Variants in RFX7 observed in about 807,000 individuals in gnomAD.
The protein encoded by RFX7 is regulatory factor X7, also known as DNA-binding protein RFX7.
Under a neutral mutation model 111.8 loss-of-function variants are expected in RFX7, and 26 were observed. That is an observed-to-expected ratio of 0.23 (90% CI 0.17 to 0.32). The LOEUF (loss-of-function observed/expected upper bound fraction) is 0.32, where lower values mean the gene tolerates loss of function less well. Among genes scored for constraint, RFX7 ranks in the 10% least tolerant of loss-of-function variants. RFX7 has a pLI of 1.00. For synonymous variants in RFX7, 624 were observed against 624.4 expected, an observed-to-expected ratio of 1.00 and a Z score of 0.01; for missense variants, 1,573 against 1,772.9, an observed-to-expected ratio of 0.89 and a Z score of 2.02.
intron 2 of RFX7, among the ~76,000 whole-genome samples, chr15:56,183,886 A>G (rs2043004147): frequency 6.6e-6 from 1 of 152,184 alleles, no homozygotes; most frequent in Non-Finnish European, 1.5e-5. Context: ...TTTTGTTAGA[A>G]AGAGTACAAG....
At chr15:56,158,543 G>C (rs58074377) in intron 3 of RFX7, among the ~76,000 whole-genome samples, 1 of 152,012 alleles carries the variant, frequency 6.6e-6, no homozygotes, top group Admixed American at 6.6e-5. Flanking sequence ...TGTCACCCAG[G>C]CTGGAGGGCA....
intron 5 of RFX7, among the ~76,000 whole-genome samples, chr15:56,128,429 T>C (rs2042172452): frequency 6.6e-6 from 1 of 152,176 alleles, no homozygotes; most frequent in African/African-American, 2.4e-5. Flanking sequence ...AGGTACAACA[T>C]ATAAAAATAA....
In RFX7 at chr15:56,096,058, T is replaced by A; in HGVS notation, c.1670A>T (p.Asp557Val). ...EHPVQCQENS[D>V]EAKAPQTPSA... Reference sequence around the variant, plus strand: ...AGGTGTCTGGGGAGCTTTAGCCTCATCAGAGTTCTCTTGGCACTGTACAGG... The same window carrying A: ...AGGTGTCTGGGGAGCTTTAGCCTCAACAGAGTTCTCTTGGCACTGTACAGG... The change falls in exon 10 of 10, where the codon GAT (aspartate) becomes GTT (valine). Residue 557 changes from aspartate (D) to valine (V), a missense_variant. By Grantham distance (152) the Asp-to-Val change is radical. Transcript: ENST00000559447. 1 of 1,613,520 alleles carries A rather than the reference T, an allele frequency of 6.2e-7. No homozygotes were observed. Among genetic ancestry groups the A allele is most frequent in the Non-Finnish European group, 8.5e-7 (1 of 1,179,700 alleles).
At chr15:56,153,495 A>C (rs1240201233) in intron 3 of RFX7, among the ~76,000 whole-genome samples, 1 of 152,156 alleles carries the variant, frequency 6.6e-6, no homozygotes, top group Non-Finnish European at 1.5e-5. Flanking sequence ...AATAAACATA[A>C]TCCCATCCAC....
In RFX7 at chr15:56,087,583, A is replaced by T. The variant is rs1595913865; in HGVS notation, c.*5762T>A. ...TTGGTAAGTGTCTCCACTTAACTGC[A>T]AGGGAAGTTGGCAGATGCAGCCTTT... On this transcript the variant is annotated 3_prime_UTR_variant, in exon 10 of 10. Coordinates refer to ENST00000559447, the MANE Select transcript of RFX7 (RefSeq NM_022841.7). 2.2e-6 allele frequency: 1 copy of T among 456,406 alleles called. No individual in the cohort carries two copies. The highest frequency in any genetic ancestry group is 6.9e-5 in the East Asian group (1 of 14,390). 28.3% of individuals were successfully genotyped at this position (456,406 alleles called of 1,614,324 possible).
chr15:56,124,283 A>C (rs1284444494), intron 5 of RFX7, among the ~76,000 whole-genome samples: 1 of 152,122 alleles, frequency 6.6e-6, no homozygotes, highest in Non-Finnish European at 1.5e-5. Flanking sequence ...TTAGCCAGGC[A>C]TGGTGACGGG....
At chr15:56,147,957 T>C (rs1001562158) in intron 3 of RFX7, among the ~76,000 whole-genome samples, 3 of 152,186 alleles carry the variant, frequency 2.0e-5, no homozygotes, top group Admixed American at 1.3e-4. Context: ...ACAAACAACA[T>C]TTGTAGACTT....
intron 2 of RFX7, among the ~76,000 whole-genome samples, chr15:56,229,590 C>A (rs1366818345): frequency 1.3e-5 from 2 of 152,128 alleles, no homozygotes; most frequent in Non-Finnish European, 2.9e-5. Flanking sequence ...ACTTCGGTTT[C>A]AGTTAGAGAA....
intron 2 of RFX7, among the ~76,000 whole-genome samples, chr15:56,223,904 GT>G (rs1367687045): frequency 6.6e-6 from 1 of 151,746 alleles, no homozygotes; most frequent in Non-Finnish European, 1.5e-5. Context: ...GATAAAACTA[GT>G]TTTTTTTCCC....
At chr15:56,210,365 G>C (rs1449708967) in intron 2 of RFX7, among the ~76,000 whole-genome samples, 1 of 152,080 alleles carries the variant, frequency 6.6e-6, no homozygotes, top group African/African-American at 2.4e-5. Context: ...TACACTTGAA[G>C]AGTTCTGAAG....
chr15:56,118,547 A>G (rs957715881), intron 5 of RFX7, among the ~76,000 whole-genome samples: 9 of 152,218 alleles, frequency 5.9e-5, no homozygotes, highest in Admixed American at 3.3e-4. Flanking sequence ...ATGGCTGAAT[A>G]GTACTCCATC....
intron 5 of RFX7, among the ~76,000 whole-genome samples, chr15:56,138,782 C>G (rs1470368874): frequency 4.6e-5 from 7 of 152,002 alleles, no homozygotes; most frequent in South Asian, 2.1e-4. Context: ...TTTAGCCCTT[C>G]CTTCAGGAGC....
chr15:56,171,902 T>C (rs1248495637), intron 3 of RFX7, among the ~76,000 whole-genome samples: 1 of 152,152 alleles, frequency 6.6e-6, no homozygotes, highest in Non-Finnish European at 1.5e-5. Flanking sequence ...GTCATTGGTA[T>C]AATGAGACTA....
chr15:56,124,078 A>G (rs1458143302), intron 5 of RFX7, among the ~76,000 whole-genome samples: 3 of 152,032 alleles, frequency 2.0e-5, no homozygotes, highest in Non-Finnish European at 4.4e-5. Flanking sequence ...TGCAGGGAGG[A>G]TGATCAGTGG....
rs149011146 is a variant in RFX7 at position 56,165,136 on chromosome 15, ATGCCGC to A, written c.195+14128_195+14133del. 7.7e-3 allele frequency among the ~76,000 whole-genome samples: 1,168 copies of A among 152,266 alleles called. 23 individuals are homozygous for A. Among genetic ancestry groups the A allele is most frequent in the East Asian group, 0.043 (220 of 5,170 alleles). On this transcript the variant is annotated intron_variant, in intron 3 of 9. Transcript: ENST00000559447. ...GGGTTTGTGCTCCTATAAGAATCTA[ATGCCGC>A]TGCTGATCTGACAGGAGGCGGAGCT...
At position 56,096,164 on chromosome 15, in the gene RFX7, G is replaced by A. The variant is rs956191862; in HGVS notation, c.1564C>T (p.Pro522Ser). 2 of 1,613,768 alleles carry A rather than the reference G, an allele frequency of 1.2e-6. No individual in the cohort carries two copies. Among genetic ancestry groups the A allele is most frequent in the Non-Finnish European group, 1.7e-6 (2 of 1,179,888 alleles). Residue 522 changes from proline to serine, a missense_variant, in exon 10 of 10, where the codon CCT becomes TCT. By Grantham distance (74) the Pro-to-Ser change is moderately conservative. Coordinates refer to ENST00000559447, the MANE Select transcript of RFX7 (RefSeq NM_022841.7). ...CCCGCACTGCTGCTCCTGGACCCAG[G>A]AGACTGAAGCGACACGACAGAACCA... ...KNGSVVSLQS[P>S]GSRSSSAGGT...
intron 5 of RFX7, among the ~76,000 whole-genome samples, chr15:56,112,379 C>CAAAAAAAAAAAAAAAAAAAAGAAAAA (rs2041950389): frequency 2.8e-5 from 2 of 71,768 alleles, no homozygotes; most frequent in African/African-American, 5.7e-5. Flanking sequence ...GAGTACAAAT[C>CAAAAAAAAAAAAAAAAAAAAGAAAAA]AAAAAAAAAA....
At chr15:56,125,027 TG>T (rs1304055608) in intron 5 of RFX7, among the ~76,000 whole-genome samples, 1 of 152,230 alleles carries the variant, frequency 6.6e-6, no homozygotes, top group Non-Finnish European at 1.5e-5. Context: ...AGTTAATTTT[TG>T]TATAGGGTGA....
intron 5 of RFX7, among the ~76,000 whole-genome samples, chr15:56,120,323 C>T (rs963886841): frequency 1.3e-5 from 2 of 152,142 alleles, no homozygotes; most frequent in Non-Finnish European, 2.9e-5. Flanking sequence ...AATAGGAATG[C>T]TACTGATTTT....
Sources: gnomAD v4.1 joint callset for allele counts (sites outside exome capture counted in the v4.1 genomes callset) on GRCh38, gnomAD v4.1.1 for gene constraint, MANE v1.5 for transcripts, NCBI Gene and HGNC (gene_info 2026-07-23, HGNC 2026-07-21) for gene names.